The following GFRA3 variants were observed in gnomAD, a reference collection of about 807,000 sequenced individuals.
GFRA3 encodes GDNF family receptor alpha-3.
A neutral mutation model predicts 40.0 loss-of-function variants in GFRA3; 24 were observed. The observed-to-expected ratio is 0.60, with a 90% CI of 0.43 to 0.84. The LOEUF is 0.84. GFRA3 is among the 40% of genes least tolerant of loss of function. GFRA3 has a pLI of 0.00. For synonymous variants in GFRA3, 203 were observed against 213.5 expected (o/e 0.95, Z 0.43); for missense variants, 405 against 530.6 (o/e 0.76, Z 2.33).
At position 138,257,861 on chromosome 5, in the gene GFRA3, C is replaced by G. The variant is rs774626625; in HGVS notation, c.563G>C (p.Gly188Ala). The G allele has an allele frequency of 1.2e-6, 2 of 1,613,780 alleles. No homozygotes were observed. The highest frequency in any genetic ancestry group is 2.7e-5 in the African/African-American group (2 of 74,908). ...LRKAYGEACSGPHCQRHVCLR... is the reference protein window; with the variant it reads ...LRKAYGEACSAPHCQRHVCLR... ...GCAGACGTGGCGCTGGCAGTGGGGC[C>G]CGGAGCACGCCTCCCCGTAGGCCTT... is the stretch of plus-strand genomic sequence containing the variant. The change falls in exon 4 of 8, where the codon GGG (glycine) becomes GCG (alanine). Residue 188 changes from glycine to alanine, a missense_variant. Physicochemically the swap from Gly to Ala is moderately conservative, Grantham distance 60. Transcript: ENST00000274721.
chr5:138,272,590 C>G lies in GFRA3; in HGVS notation c.91+1744G>C, dbSNP rs188866884. Among the ~76,000 whole-genome samples the G allele has an allele frequency of 1.5e-3, 224 of 151,588 alleles. 3 individuals carry two copies. The highest frequency in any genetic ancestry group is 4.8e-3 in the African/African-American group (198 of 41,332). On this transcript the variant is annotated intron_variant, in intron 1 of 7. Coordinates refer to ENST00000274721, the MANE Select transcript of GFRA3 (RefSeq NM_001496.4). ...TATGGGAGGTTGAGGCTGCAGTGAACTGGAATCACACCACTGAACTCCAGC... is the reference window on the plus strand; with the variant it reads ...TATGGGAGGTTGAGGCTGCAGTGAAGTGGAATCACACCACTGAACTCCAGC...
chr5:138,266,126 T>A (rs1428995282), intron 1 of GFRA3, among the ~76,000 whole-genome samples: 3 of 152,240 alleles, frequency 2.0e-5, no homozygotes, highest in Non-Finnish European at 2.9e-5. Context: ...AGCGCTTTGA[T>A]GAACATTTCA....
At chr5:138,273,881 G>T (rs1415514653) in intron 1 of GFRA3, among the ~76,000 whole-genome samples, 2 of 152,190 alleles carry the variant, frequency 1.3e-5, no homozygotes, top group Admixed American at 1.3e-4. Flanking sequence ...CAGTTTTAAC[G>T]AACTTCTTTT....
At chr5:138,253,429 A>G in intron 6 of GFRA3, 54 bp from the exon 7 acceptor site, 1 of 1,140,378 alleles carries the variant, frequency 8.8e-7, no homozygotes, top group Non-Finnish European at 1.3e-6. Context: ...GAGATTTCTC[A>G]GGCTCCCAAG....
rs1755920746 is a variant in GFRA3 at position 138,274,417 on chromosome 5, C to T, written c.8G>A (p.Arg3His). 8 of 1,308,316 alleles carry T rather than the reference C, an allele frequency of 6.1e-6. No individual in the cohort carries two copies. Among genetic ancestry groups the T allele is most frequent in the African/African-American group, 3.1e-5 (2 of 65,336 alleles). The allele number at this position is 1,308,316 out of a possible 1,614,324, so 81.0% of individuals were successfully genotyped here. The change falls in exon 1 of 8, where the codon CGC becomes CAC. Residue 3 changes from arginine to histidine, a missense_variant. Transcript: ENST00000274721. MV[R>H]PLNPRPLPPV... ...CGGCAGCGGTCGCGGGTTCAGGGGG[C>T]GCACCATGGCGAGCTGTAGGCGCCG...
At chr5:138,263,263 G>A (rs564119814) in intron 2 of GFRA3, among the ~76,000 whole-genome samples, 31 of 152,226 alleles carry the variant, frequency 2.0e-4, no homozygotes, top group Middle Eastern at 3.4e-3. Flanking sequence ...CACCACACCC[G>A]GCTTGATGTC....
intron 1 of GFRA3, among the ~76,000 whole-genome samples, chr5:138,269,608 C>T (rs1042118531): frequency 6.6e-6 from 1 of 151,214 alleles, no homozygotes; most frequent in African/African-American, 2.4e-5. Flanking sequence ...CTTTGGGAAG[C>T]CGAGGTAGGC....
At chr5:138,273,935 G>A (rs1755911737) in intron 1 of GFRA3, among the ~76,000 whole-genome samples, 2 of 152,188 alleles carry the variant, frequency 1.3e-5, no homozygotes, top group Non-Finnish European at 2.9e-5. Flanking sequence ...TAAAGCAGAT[G>A]GAAGAGTTAA....
In GFRA3 at chr5:138,258,746, C is replaced by A. The variant is rs149202740; in HGVS notation, c.473-795G>T. Among the ~76,000 whole-genome samples the A allele has an allele frequency of 7.2e-4, 110 of 152,278 alleles. No homozygotes were observed. In the East Asian group the frequency reaches 0.02, roughly 28 times the overall value. On this transcript the variant is annotated intron_variant, in intron 3 of 7. Coordinates refer to ENST00000274721, the MANE Select transcript of GFRA3 (RefSeq NM_001496.4). ...GGTTTGGTTTTGGCTTCGTCTGCAC[C>A]TATCCTGTTCCATTTTAATGTCACC...
At chr5:138,268,106 G>T (rs1297830351) in intron 1 of GFRA3, among the ~76,000 whole-genome samples, 1 of 151,966 alleles carries the variant, frequency 6.6e-6, no homozygotes. Flanking sequence ...TCAGCATGGT[G>T]AAACCCTGTC....
intron 1 of GFRA3, among the ~76,000 whole-genome samples, chr5:138,270,365 C>T (rs1755851327): frequency 1.3e-5 from 2 of 149,866 alleles, no homozygotes; most frequent in South Asian, 4.2e-4. Context: ...GAGCCAGACT[C>T]CGTCTCAAAA....
At chr5:138,261,755 T>C (rs1581510293) in intron 2 of GFRA3, among the ~76,000 whole-genome samples, 1 of 134,580 alleles carries the variant, frequency 7.4e-6, no homozygotes, top group African/African-American at 2.8e-5. Context: ...CTTGTATTCA[T>C]AAGGTAAAAG....
At chr5:138,270,121 A>G (rs901931540) in intron 1 of GFRA3, among the ~76,000 whole-genome samples, 1 of 150,518 alleles carries the variant, frequency 6.6e-6, no homozygotes, top group African/African-American at 2.4e-5. Flanking sequence ...CAGCACTTTG[A>G]GAGGCTGAGA....
chr5:138,261,045 A>AT (rs1264474872), intron 2 of GFRA3, among the ~76,000 whole-genome samples: 1 of 152,182 alleles, frequency 6.6e-6, no homozygotes, highest in Non-Finnish European at 1.5e-5. Context: ...ATAAAATGCA[A>AT]TTGGTACCTA....
chr5:138,270,836 A>G (rs1755857870), intron 1 of GFRA3, among the ~76,000 whole-genome samples: 1 of 152,208 alleles, frequency 6.6e-6, no homozygotes. Flanking sequence ...TAAGGAAGGT[A>G]TGAGATTTTA....
At chr5:138,266,463 G>T (rs1030965454) in intron 1 of GFRA3, among the ~76,000 whole-genome samples, 2 of 152,092 alleles carry the variant, frequency 1.3e-5, no homozygotes, top group African/African-American at 4.8e-5. Flanking sequence ...TTAGCCATTT[G>T]TACATCTTCC....
chr5:138,268,740 AT>A (rs1206475216), intron 1 of GFRA3, among the ~76,000 whole-genome samples: 1 of 151,984 alleles, frequency 6.6e-6, no homozygotes, highest in Non-Finnish European at 1.5e-5. Flanking sequence ...AATACAGAAA[AT>A]TAGCCAGGTG....
In GFRA3 at chr5:138,254,307, C is replaced by G. The variant is rs1360852041; in HGVS notation, c.786-147G>C. 1.4e-5 allele frequency: 9 copies of G among 624,676 alleles called. No individual in the cohort carries two copies. The South Asian group carries it at 1.7e-4, about 12-fold the overall frequency. The allele number at this position is 624,676 out of a possible 1,614,324, so 38.7% of individuals were successfully genotyped here. On this transcript the variant is annotated intron_variant, in intron 4 of 7. Coordinates refer to ENST00000274721, the MANE Select transcript of GFRA3 (RefSeq NM_001496.4). ...GGTTCAAACAATTCTCCTGCCTCAG[C>G]CTCCCGAGTAGCTGGGACTACAGTC...
At chr5:138,264,893 G>A (rs1410315402) in intron 1 of GFRA3, among the ~76,000 whole-genome samples, 1 of 152,170 alleles carries the variant, frequency 6.6e-6, no homozygotes, top group Non-Finnish European at 1.5e-5. Context: ...GCCATGCCAT[G>A]GGCAGGGCTA....
Sources: allele counts gnomAD v4.1 joint callset (sites outside exome capture counted in the v4.1 genomes callset), GRCh38; gene constraint gnomAD v4.1.1; transcripts MANE v1.5; gene names NCBI Gene and HGNC (gene_info 2026-07-23, HGNC 2026-07-21).